Variants in AGAP1 observed in about 807,000 individuals in gnomAD.
AGAP1 encodes the protein arf-GAP with GTPase, ANK repeat and PH domain-containing protein 1.
AGAP1 carries 29 observed loss-of-function variants against 105.3 expected under a neutral mutation model. The observed-to-expected ratio is 0.28, with a 90% confidence interval of 0.21 to 0.38. The LOEUF (loss-of-function observed/expected upper bound fraction) is 0.38, where lower values mean the gene tolerates loss of function less well. Ranked by LOEUF, AGAP1 falls within the 10% of genes least tolerant of loss-of-function variation. The pLI is 1.00. For missense variants in AGAP1, 998 were observed against 1,165.1 expected, an observed-to-expected ratio of 0.86 and a Z score of 2.09; for synonymous variants, 509 against 485.9, an observed-to-expected ratio of 1.05 and a Z score of -0.63.
intron 6 of AGAP1, among the ~76,000 whole-genome samples, chr2:235,791,156 T>A (rs1489937096): frequency 6.6e-6 from 1 of 152,210 alleles, no homozygotes; most frequent in African/African-American, 2.4e-5. Flanking sequence ...AACTTTGAGA[T>A]TTTCATGGTG....
intron 1 of AGAP1, among the ~76,000 whole-genome samples, chr2:235,532,545 T>G (rs902240868): frequency 6.6e-6 from 1 of 152,250 alleles, no homozygotes; most frequent in African/African-American, 2.4e-5. Flanking sequence ...GTATCACATA[T>G]GCAGTGGTTT....
chr2:235,665,419 C>T lies in AGAP1; in HGVS notation c.164-43760C>T, dbSNP rs945541483. 2.6e-5 allele frequency among the ~76,000 whole-genome samples: 4 copies of T among 152,138 alleles called. No individual in the cohort carries two copies. Among genetic ancestry groups the T allele is most frequent in the African/African-American group, 7.2e-5 (3 of 41,424 alleles). ...AGTCCTCATCTCTTTTACAGTTCCA[C>T]GTTTAACCTTCAGCTTTTAAAACGA... On this transcript the variant is annotated intron_variant, in intron 1 of 17. Transcript: ENST00000304032. This position sits in a 1 kb window ranked among gnomAD's most constrained non-coding sequence, Gnocchi z 5.3.
In AGAP1 at chr2:235,714,595, A is replaced by T. The variant is rs1343367249; in HGVS notation, c.223-2962A>T. 6.6e-6 allele frequency among the ~76,000 whole-genome samples: 1 copy of T among 151,670 alleles called. No homozygotes were observed. The highest frequency in any genetic ancestry group is 2.0e-4 in the East Asian group (1 of 5,098). ...TGTAACTGGGGTGTAAGAGGACAGG[A>T]CCGAGCATAGGTTTTAGAAAGGCCA... On this transcript the variant is annotated intron_variant, in intron 2 of 17. Coordinates refer to ENST00000304032, the MANE Select transcript of AGAP1 (RefSeq NM_001037131.3). This position sits in a 1 kb window ranked among gnomAD's most constrained non-coding sequence, Gnocchi z 4.1.
In AGAP1 at chr2:235,620,205, G is replaced by T. The variant is rs1214377723; in HGVS notation, c.164-88974G>T. 6.6e-6 allele frequency among the ~76,000 whole-genome samples: 1 copy of T among 152,202 alleles called. No individual in the cohort carries two copies. The highest frequency in any genetic ancestry group is 1.5e-5 in the Non-Finnish European group (1 of 68,042). On this transcript the variant is annotated intron_variant, in intron 1 of 17. Transcript: ENST00000304032. This position sits in a 1 kb window ranked among gnomAD's most constrained non-coding sequence, Gnocchi z 4.5. The stretch of plus-strand genomic sequence containing the variant: ...GCAAATGCTGGGCTGTGCCTTCAAA[G>T]TATATCCAGGATGCAGTGGCTTCCT...
chr2:235,882,980 TTTTA>T lies in AGAP1; in HGVS notation c.1051-349_1051-346del, dbSNP rs575210962. ...GAAGCACACCACCGTGCCCAGCTAA[TTTTA>T]TTTATTTATTTATTTTTTTAGAGAT... On this transcript the variant is annotated intron_variant, in intron 9 of 17. Transcript: ENST00000304032. The surrounding 1 kb of genome is among the most constrained non-coding windows in gnomAD (Gnocchi z 4.6). Among the ~76,000 whole-genome samples the T allele has an allele frequency of 2.9e-3, 436 of 151,932 alleles. 5 individuals are homozygous for T. The highest frequency in any genetic ancestry group is 3.7e-3 in the Non-Finnish European group (252 of 67,950).
In AGAP1 at chr2:235,740,855, C is replaced by T. The variant is rs1952538226; in HGVS notation, c.311-108C>T. 8.2e-5 allele frequency: 108 copies of T among 1,316,014 alleles called. No homozygotes were observed. In the East Asian group the frequency reaches 2.5e-3, roughly 30 times the overall value. 81.5% of individuals were successfully genotyped at this position (1,316,014 alleles called of 1,614,324 possible). A position where few individuals can be genotyped will look rare whatever the true frequency, so the allele number is the denominator to read the frequency against. The stretch of plus-strand genomic sequence containing the variant: ...CAACATCCTAAATACTCAGTTGCCT[C>T]CAGGGCGACAGCCTAGGGTGTATTT... On this transcript the variant is annotated intron_variant, in intron 3 of 17. Coordinates refer to ENST00000304032, the MANE Select transcript of AGAP1 (RefSeq NM_001037131.3). The surrounding 1 kb of genome is among the most constrained non-coding windows in gnomAD (Gnocchi z 5.7).
Position 236,027,145 on chromosome 2 carries a change from G to C in AGAP1, c.1646-9416G>C, listed in dbSNP as rs1290491779. ...ACTATGCAGTTGCTCTATAATCCTT[G>C]TACTTATTTTTTTTAATCTTGGGAG... On this transcript the variant is annotated intron_variant, in intron 13 of 17. Coordinates refer to ENST00000304032, the MANE Select transcript of AGAP1 (RefSeq NM_001037131.3). The surrounding 1 kb of genome is among the most constrained non-coding windows in gnomAD (Gnocchi z 4.4). Among the ~76,000 whole-genome samples the C allele has an allele frequency of 1.3e-5, 2 of 152,010 alleles. No individual in the cohort carries two copies. The highest frequency in any genetic ancestry group is 4.8e-5 in the African/African-American group (2 of 41,374).
rs780822210 is a variant in AGAP1 at position 235,930,947 on chromosome 2, G to A, written c.1483+24G>A. The A allele has an allele frequency of 9.9e-6, 16 of 1,609,606 alleles. No homozygotes were observed. In the Admixed American group the frequency reaches 1.0e-4, roughly 10 times the overall value. ...TGGTAAGAGGGGGCTCAGCCCCACG[G>A]ACCCGCAGCCACCTCAAGGTCCTTC... On this transcript the variant is annotated intron_variant, in intron 12 of 17. Transcript: ENST00000304032. The surrounding 1 kb of genome is among the most constrained non-coding windows in gnomAD (Gnocchi z 7.9).
intron 10 of AGAP1, among the ~76,000 whole-genome samples, chr2:235,898,897 T>C (rs1456631690): frequency 6.6e-6 from 1 of 152,142 alleles, no homozygotes; most frequent in Admixed American, 6.5e-5. Context: ...CTTTAGGAAA[T>C]CAGAAAAGTG....
At chr2:236,043,954 TGTG>T (rs1486852462) in intron 15 of AGAP1, among the ~76,000 whole-genome samples, 28 of 152,022 alleles carry the variant, frequency 1.8e-4, no homozygotes, top group Admixed American at 1.8e-3. Flanking sequence ...AATTTGGAAT[TGTG>T]GTAACAGCTC....
rs57008190 is a variant in AGAP1, at chr2:235,770,133, C to CTTTTTTTTTTTTTTTTTTTTT, written c.673+19657_673+19658insTTTTTTTTTTTTTTTTTTTTT. Among the ~76,000 whole-genome samples the CTTTTTTTTTTTTTTTTTTTTT allele has an allele frequency of 2.9e-4, 40 of 136,644 alleles. 1 individual carries two copies. The highest frequency in any genetic ancestry group is 4.4e-4 in the East Asian group (2 of 4,594). 89.6% of individuals were successfully genotyped at this position (136,644 alleles called of 152,430 possible). On this transcript the variant is annotated intron_variant, in intron 6 of 17. Transcript: ENST00000304032. ...CACACATTTTTTTCTTTCTTTGTTT[C>CTTTTTTTTTTTTTTTTTTTTT]TTTTTTTTTTTTGAGACGGAGTCTC...
chr2:235,679,466 T>C (rs578011294), intron 1 of AGAP1, among the ~76,000 whole-genome samples: 2 of 152,354 alleles, frequency 1.3e-5, no homozygotes, highest in South Asian at 4.2e-4. Flanking sequence ...TCTCATGATC[T>C]TCAATTTAAC....
At chr2:235,523,130 G>A (rs1411386861) in intron 1 of AGAP1, among the ~76,000 whole-genome samples, 1 of 151,758 alleles carries the variant, frequency 6.6e-6, no homozygotes, top group Non-Finnish European at 1.5e-5. Context: ...CTCTCATGGT[G>A]GAGAGAGAGA....
chr2:235,807,559 G>A lies in AGAP1; in HGVS notation c.1050+228G>A, dbSNP rs1009031586. Among the ~76,000 whole-genome samples the A allele has an allele frequency of 7.9e-5, 12 of 152,246 alleles. No individual in the cohort carries two copies. In the South Asian group the frequency reaches 1.2e-3, roughly 16 times the overall value. ...AGACCTAATGAAGTGCGGGCTGCCC[G>A]CCTGCATATGGAGTGCGTTTCCAGG... is the stretch of plus-strand genomic sequence containing the variant. On this transcript the variant is annotated intron_variant, in intron 9 of 17. Coordinates refer to ENST00000304032, the MANE Select transcript of AGAP1 (RefSeq NM_001037131.3).
chr2:235,828,602 G>A (rs1203150243), intron 9 of AGAP1, among the ~76,000 whole-genome samples: 2 of 152,160 alleles, frequency 1.3e-5, no homozygotes, highest in Non-Finnish European at 2.9e-5. Flanking sequence ...TCTGGAATTG[G>A]AAACGTAGAG....
chr2:235,938,876 A>G (rs939014569), intron 12 of AGAP1, among the ~76,000 whole-genome samples: 2 of 152,058 alleles, frequency 1.3e-5, no homozygotes, highest in African/African-American at 4.8e-5. Context: ...ATGGCTGCCC[A>G]TTATATTCTT....
intron 1 of AGAP1, among the ~76,000 whole-genome samples, chr2:235,613,301 T>C (rs541206992): frequency 6.6e-6 from 1 of 152,296 alleles, no homozygotes. Context: ...CGGCCACATT[T>C]AATATTATTT....
At chr2:235,838,163 G>T (rs1196113592) in intron 9 of AGAP1, among the ~76,000 whole-genome samples, 2 of 152,184 alleles carry the variant, frequency 1.3e-5, no homozygotes, top group African/African-American at 4.8e-5. Context: ...TCCAGCCTGG[G>T]TGGCAGAGTG....
rs2149531363 is a variant in AGAP1 at position 235,714,186 on chromosome 2, A to G, written c.223-3371A>G. ...GCACCACCACAGCTGGCTAATTTTT[A>G]TATTTTTTTAGTTGAGACAGGGTTT... On this transcript the variant is annotated intron_variant, in intron 2 of 17. Transcript: ENST00000304032. The surrounding 1 kb of genome is among the most constrained non-coding windows in gnomAD (Gnocchi z 4.1). Among the ~76,000 whole-genome samples, 1 of 151,616 alleles carries G rather than the reference A, an allele frequency of 6.6e-6. No individual in the cohort carries two copies. The highest frequency in any genetic ancestry group is 2.4e-5 in the African/African-American group (1 of 41,338).
Sources: allele counts gnomAD v4.1 joint callset (sites outside exome capture counted in the v4.1 genomes callset), GRCh38; gene constraint gnomAD v4.1.1; non-coding constraint Gnocchi (gnomAD v3.1); transcripts MANE v1.5; gene names NCBI Gene and HGNC (gene_info 2026-07-23, HGNC 2026-07-21).